The following DENR variants were observed in gnomAD, a reference collection of about 807,000 sequenced individuals.
The protein encoded by DENR is density regulated re-initiation and release factor, also known as density-regulated protein.
Under a neutral mutation model 30.6 loss-of-function variants are expected in DENR, and 6 were observed. The ratio of observed to expected loss-of-function variants is 0.20; its 90% CI spans 0.11 to 0.39. DENR has a LOEUF of 0.39. DENR is among the 10% of genes least tolerant of loss of function. The pLI is 1.00. For synonymous variants in DENR, 78 were observed against 72.1 expected (o/e 1.08, Z -0.41); for missense variants, 141 against 230.9 (o/e 0.61, Z 2.52).
At chr12:122,763,725 A>T (rs1475155400) in intron 4 of DENR, among the ~76,000 whole-genome samples, 1 of 152,212 alleles carries the variant, frequency 6.6e-6, no homozygotes. Flanking sequence ...TAAAAAAAGT[A>T]AATGATTTAG....
intron 1 of DENR, 117 bp from the exon 2 acceptor site, chr12:122,753,576 A>T (rs1878471206): frequency 1.4e-6 from 1 of 724,458 alleles, no homozygotes; most frequent in Non-Finnish European, 2.4e-6. Context: ...TGTATCCCCC[A>T]CTCAACAACA....
intron 2 of DENR, chr12:122,754,170 A>T (rs114655275): frequency 3.5e-6 from 1 of 286,598 alleles, no homozygotes; most frequent in African/African-American, 2.2e-5. Context: ...GGCGTCCCAG[A>T]CAAAGCGCAC....
At chr12:122,756,451 AAAG>A (rs776888713) in intron 2 of DENR, among the ~76,000 whole-genome samples, 7 of 152,306 alleles carry the variant, frequency 4.6e-5, no homozygotes, top group East Asian at 3.9e-4. Context: ...CCCAGAAAAA[AAAG>A]AAGAAAGAGA....
chr12:122,758,887 C>T (rs1325812560), intron 2 of DENR, among the ~76,000 whole-genome samples: 2 of 149,722 alleles, frequency 1.3e-5, no homozygotes, highest in African/African-American at 5.0e-5. Flanking sequence ...TGCCCTGTTG[C>T]CCAGGCTGGA....
At chr12:122,764,728 A>G (rs1391886134) in intron 4 of DENR, among the ~76,000 whole-genome samples, 1 of 152,208 alleles carries the variant, frequency 6.6e-6, no homozygotes, top group Admixed American at 6.5e-5. Flanking sequence ...AAGAAGAGAA[A>G]GCCTGGTCTG....
chr12:122,766,661 A>G (rs369507323), intron 5 of DENR, among the ~76,000 whole-genome samples: 48 of 152,240 alleles, frequency 3.2e-4, no homozygotes, highest in Admixed American at 2.2e-3. Context: ...TGACAACACT[A>G]TTTATTCAGT....
At chr12:122,759,132 C>G (rs1878630121) in intron 2 of DENR, among the ~76,000 whole-genome samples, 1 of 152,070 alleles carries the variant, frequency 6.6e-6, no homozygotes, top group Admixed American at 6.6e-5. Context: ...ACGTGAGCCA[C>G]CACACCCGGC....
intron 1 of DENR, 63 bp from the exon 2 acceptor site, chr12:122,753,630 A>C (rs900308182): frequency 7.9e-5 from 102 of 1,293,524 alleles, no homozygotes; most frequent in Admixed American, 2.9e-4. Context: ...GTTGAGAGGA[A>C]CACTGCTCTT....
At chr12:122,766,474 T>C (rs1037447575) in intron 5 of DENR, among the ~76,000 whole-genome samples, 6 of 152,226 alleles carry the variant, frequency 3.9e-5, no homozygotes, top group African/African-American at 1.4e-4. Context: ...CCCTAACTTC[T>C]GCTGCCCAGT....
intron 1 of DENR, among the ~76,000 whole-genome samples, chr12:122,753,448 T>C (rs1355619482): frequency 6.6e-6 from 1 of 152,198 alleles, no homozygotes; most frequent in Non-Finnish European, 1.5e-5. Context: ...TGTTTTTCTC[T>C]AGTGAGTCCC....
At chr12:122,768,709 A>C in intron 6 of DENR, 73 bp from the exon 7 acceptor site, 1 of 1,345,326 alleles carries the variant, frequency 7.4e-7, no homozygotes, top group Non-Finnish European at 1.0e-6. Context: ...ATGCAGATTA[A>C]ATTTCAAAAT....
Position 122,762,837 on chromosome 12 carries a change from T to G in DENR, c.127-8T>G. 4.0e-6 allele frequency: 6 copies of G among 1,510,564 alleles called. No individual in the cohort carries two copies. The highest frequency in any genetic ancestry group is 5.3e-6 in the Non-Finnish European group (6 of 1,123,500). The allele number at this position is 1,510,564 out of a possible 1,614,324, so 93.6% of individuals were successfully genotyped here. On this transcript the variant is annotated splice_region_variant and splice_polypyrimidine_tract_variant and intron_variant, in intron 3 of 7. Transcript: ENST00000280557. ...TTGTTGTGACTCAGTTCTTTTTTTT[T>G]CTCCTAGTACTGTGAATATATGCCT... is the stretch of plus-strand genomic sequence containing the variant.
intron 2 of DENR, among the ~76,000 whole-genome samples, chr12:122,757,105 A>C (rs1189521063): frequency 6.6e-6 from 1 of 152,200 alleles, no homozygotes; most frequent in Non-Finnish European, 1.5e-5. Flanking sequence ...TAGAATACCC[A>C]ACTGATTAAA....
intron 5 of DENR, 34 bp from the exon 6 acceptor site, chr12:122,767,454 C>T (rs766268464): frequency 4.4e-6 from 6 of 1,349,612 alleles, no homozygotes; most frequent in Non-Finnish European, 5.0e-6. Context: ...ATGTCAAAAA[C>T]AACTAAAGCT....
At chr12:122,753,986 T>C in intron 2 of DENR, 179 bp downstream of exon 2, 1 of 627,110 alleles carries the variant, frequency 1.6e-6, no homozygotes, top group East Asian at 2.8e-5. Flanking sequence ...CCTGGGTGAT[T>C]TGTGTCTGGC....
At chr12:122,761,695 C>T (rs1878706008) in intron 2 of DENR, among the ~76,000 whole-genome samples, 1 of 152,002 alleles carries the variant, frequency 6.6e-6, no homozygotes, top group Admixed American at 6.6e-5. Flanking sequence ...ATCTGTAGTC[C>T]CATTTAGTTG....
At chr12:122,759,821 C>T (rs1593760938) in intron 2 of DENR, among the ~76,000 whole-genome samples, 1 of 151,842 alleles carries the variant, frequency 6.6e-6, no homozygotes, top group East Asian at 1.9e-4. Context: ...ATAGTTATAT[C>T]CTGAAAGTGT....
intron 2 of DENR, among the ~76,000 whole-genome samples, chr12:122,756,364 G>A (rs375523790): frequency 1.2e-4 from 19 of 152,078 alleles, no homozygotes; most frequent in African/African-American, 4.3e-4. Context: ...CAGGAGAATC[G>A]CTTAAACCTG....
intron 6 of DENR, 94 bp from the exon 7 acceptor site, chr12:122,768,688 A>G: frequency 8.7e-7 from 1 of 1,149,858 alleles, no homozygotes; most frequent in Non-Finnish European, 1.2e-6. Flanking sequence ...AATCTGTTTT[A>G]TGATTTTAAA....
Sources: gnomAD v4.1 joint callset for allele counts (sites outside exome capture counted in the v4.1 genomes callset) on GRCh38, gnomAD v4.1.1 for gene constraint, MANE v1.5 for transcripts, NCBI Gene and HGNC (gene_info 2026-07-23, HGNC 2026-07-21) for gene names.